CCDC148: variants seen among roughly 807,000 people sequenced by gnomAD.
CCDC148 encodes coiled-coil domain containing 148.
Under a neutral mutation model 85.7 loss-of-function variants are expected in CCDC148, and 89 were observed. The ratio of observed to expected loss-of-function variants is 1.04; its 90% confidence interval spans 0.87 to 1.24. The LOEUF is 1.24. CCDC148 is among the 50% of genes most tolerant of loss of function. CCDC148 has a pLI of 0.00. For missense variants in CCDC148, 692 were observed against 671.7 expected, an observed-to-expected ratio of 1.03 and a Z score of -0.33; for synonymous variants, 230 against 213.9, an observed-to-expected ratio of 1.08 and a Z score of -0.66.
Position 158,328,304 on chromosome 2 carries a change from C to T in CCDC148, c.764+10422G>A, listed in dbSNP as rs6724154. Among the ~76,000 whole-genome samples the T allele has an allele frequency of 7.4e-4, 112 of 152,150 alleles. 1 individual carries two copies. The East Asian group carries it at 0.018, about 24-fold the overall frequency. On this transcript the variant is annotated intron_variant, in intron 7 of 13. Coordinates refer to ENST00000283233, the MANE Select transcript of CCDC148 (RefSeq NM_138803.4). Reference sequence around the variant, plus strand: ...TTGCAATAGTTTGCTGAGAATGATGCTTTCCAGCTTCATACATGTCCCTAC... The same window carrying T: ...TTGCAATAGTTTGCTGAGAATGATGTTTTCCAGCTTCATACATGTCCCTAC...
chr2:158,367,895 T>C (rs1416218062), intron 1 of CCDC148, among the ~76,000 whole-genome samples: 1 of 152,142 alleles, frequency 6.6e-6, no homozygotes, highest in Non-Finnish European at 1.5e-5. Context: ...GAGAAATGAT[T>C]AGGCATTCAG....
chr2:158,242,674 T>A (rs1688400786), intron 10 of CCDC148, among the ~76,000 whole-genome samples: 1 of 149,998 alleles, frequency 6.7e-6, no homozygotes. Context: ...CTCTTCTTCA[T>A]CTTTATTCTG....
At chr2:158,379,420 A>G (rs983086540) in intron 1 of CCDC148, among the ~76,000 whole-genome samples, 6 of 152,132 alleles carry the variant, frequency 3.9e-5, no homozygotes. Context: ...ACACTGTTGA[A>G]ATAATAAAGG....
intron 1 of CCDC148, among the ~76,000 whole-genome samples, chr2:158,413,185 G>A (rs184645141): frequency 6.6e-6 from 1 of 152,166 alleles, no homozygotes; most frequent in East Asian, 1.9e-4. Context: ...AGGAGTCTTA[G>A]CATAAAAAGC....
intron 1 of CCDC148, among the ~76,000 whole-genome samples, chr2:158,438,726 T>C (rs1185994018): frequency 6.6e-6 from 1 of 152,142 alleles, no homozygotes; most frequent in African/African-American, 2.4e-5. Flanking sequence ...AATCTACTCA[T>C]CTGACGAAGG....
chr2:158,351,306 C>A (rs573792242), intron 2 of CCDC148, among the ~76,000 whole-genome samples: 2 of 152,322 alleles, frequency 1.3e-5, no homozygotes, highest in African/African-American at 4.8e-5. Context: ...GTGATTTCTG[C>A]ATTTCCATCT....
At chr2:158,378,944 TA>T (rs1684763520) in intron 1 of CCDC148, among the ~76,000 whole-genome samples, 2 of 152,158 alleles carry the variant, frequency 1.3e-5, no homozygotes, top group Non-Finnish European at 2.9e-5. Context: ...CCTGCTAACA[TA>T]ACATTTATTC....
At chr2:158,208,077 C>A (rs1341202883) in intron 11 of CCDC148, among the ~76,000 whole-genome samples, 1 of 151,848 alleles carries the variant, frequency 6.6e-6, no homozygotes, top group Admixed American at 6.6e-5. Context: ...ATTCACAGGT[C>A]ATGGAATATA....
In CCDC148 at chr2:158,324,915, T is replaced by TA. The variant is rs542497286; in HGVS notation, c.765-11022dup. ...CCATATACTCTGCAACCTCACCTGTTAGAGTAGCAGATGAACCATCTGTGC... is the reference window on the plus strand; with the variant it reads ...CCATATACTCTGCAACCTCACCTGTTAAGAGTAGCAGATGAACCATCTGTGC... On this transcript the variant is annotated intron_variant, in intron 7 of 13. Coordinates refer to ENST00000283233, the MANE Select transcript of CCDC148 (RefSeq NM_138803.4). Among the ~76,000 whole-genome samples, 192 of 152,160 alleles carry TA rather than the reference T, an allele frequency of 1.3e-3. 1 individual carries two copies. The highest frequency in any genetic ancestry group is 2.0e-3 in the Non-Finnish European group (134 of 67,986).
chr2:158,341,638 T>G (rs1441434071), intron 3 of CCDC148, among the ~76,000 whole-genome samples: 2 of 1,004 alleles, frequency 2.0e-3, no homozygotes, highest in African/African-American at 5.9e-3. Context: ...AATATAGTCA[T>G]TTTTTTAGAA....
intron 1 of CCDC148, among the ~76,000 whole-genome samples, chr2:158,408,557 G>A (rs1686122330): frequency 6.6e-6 from 1 of 151,986 alleles, no homozygotes; most frequent in Admixed American, 6.6e-5. Flanking sequence ...ACAAATGACA[G>A]GATGTCTTTC....
At chr2:158,360,497 T>C (rs1386600688) in intron 1 of CCDC148, among the ~76,000 whole-genome samples, 1 of 152,146 alleles carries the variant, frequency 6.6e-6, no homozygotes, top group African/African-American at 2.4e-5. Context: ...ACCTTTGCTG[T>C]TCTGCAGCCT....
At chr2:158,421,644 T>C (rs1174388732) in intron 1 of CCDC148, among the ~76,000 whole-genome samples, 2 of 151,996 alleles carry the variant, frequency 1.3e-5, no homozygotes, top group South Asian at 2.1e-4. Flanking sequence ...CAGGAAAGAT[T>C]TGAAATGGAC....
chr2:158,255,697 C>T (rs1688984383), intron 9 of CCDC148, among the ~76,000 whole-genome samples: 1 of 151,726 alleles, frequency 6.6e-6, no homozygotes, highest in Admixed American at 6.6e-5. Flanking sequence ...ATTTTAAAGG[C>T]TTTGCTAATT....
chr2:158,308,182 T>C (rs1418491761), intron 9 of CCDC148, among the ~76,000 whole-genome samples: 2 of 152,228 alleles, frequency 1.3e-5, no homozygotes, highest in Admixed American at 1.3e-4. Flanking sequence ...TGACCTAAAG[T>C]GCACTTGTGC....
chr2:158,239,374 A>G (rs901164458), intron 10 of CCDC148, among the ~76,000 whole-genome samples: 3 of 147,814 alleles, frequency 2.0e-5, no homozygotes, highest in Middle Eastern at 3.5e-3. Context: ...AGATTCCATC[A>G]GCTTTTCTAC....
At chr2:158,408,171 T>C (rs935113344) in intron 1 of CCDC148, among the ~76,000 whole-genome samples, 2 of 152,216 alleles carry the variant, frequency 1.3e-5, no homozygotes, top group Non-Finnish European at 2.9e-5. Flanking sequence ...ATACATACAA[T>C]GTGTACCACA....
rs535987156 is a variant in CCDC148 at position 158,286,640 on chromosome 2, C to G, written c.1110+22793G>C. Among the ~76,000 whole-genome samples the G allele has an allele frequency of 2.7e-4, 41 of 152,096 alleles. 1 individual carries two copies. In the South Asian group the frequency reaches 8.5e-3, roughly 32 times the overall value. On this transcript the variant is annotated intron_variant, in intron 9 of 13. Coordinates refer to ENST00000283233, the MANE Select transcript of CCDC148 (RefSeq NM_138803.4). ...ATATCTAAGGTAGGACAGTATTTGC[C>G]CATGGACATAGACAAATAAAATGGA...
At chr2:158,240,109 A>C (rs992884022) in intron 10 of CCDC148, among the ~76,000 whole-genome samples, 1 of 151,936 alleles carries the variant, frequency 6.6e-6, no homozygotes, top group Non-Finnish European at 1.5e-5. Context: ...GTTCTTTTGC[A>C]GTGAGGATGC....
Sources: allele counts gnomAD v4.1 joint callset (sites outside exome capture counted in the v4.1 genomes callset), GRCh38; gene constraint gnomAD v4.1.1; transcripts MANE v1.5; gene names NCBI Gene and HGNC (gene_info 2026-07-23, HGNC 2026-07-21).